The following TLN2 variants were observed in gnomAD, a reference collection of about 807,000 sequenced individuals.
The protein encoded by TLN2 is talin 2.
TLN2 carries 118 observed loss-of-function variants against 294.7 expected under a neutral mutation model. The observed-to-expected ratio is 0.40, with a 90% CI of 0.34 to 0.47. The LOEUF is 0.47. Ranked by LOEUF, TLN2 falls within the 20% of genes least tolerant of loss-of-function variation. The probability of loss-of-function intolerance (pLI) is 0.84; values close to 1 mark genes in which losing one functional copy is unlikely to be tolerated. For synonymous variants in TLN2, 1,431 were observed against 1,304.5 expected (o/e 1.10, Z -2.09); for missense variants, 3,083 against 3,282.2 (o/e 0.94, Z 1.48).
chr15:62,784,566 G>A (rs1235565514), intron 45 of TLN2: 1 of 152,280 alleles, frequency 6.6e-6, no homozygotes, highest in African/African-American at 2.4e-5. Flanking sequence ...TACTTCTAAT[G>A]GGGTGGTCCA....
chr15:62,434,222 C>A (rs1392423488), intron 1 of TLN2, among the ~76,000 whole-genome samples: 1 of 152,072 alleles, frequency 6.6e-6, no homozygotes, highest in Non-Finnish European at 1.5e-5. Flanking sequence ...TGGAAGTGGT[C>A]TATGTATATG....
chr15:62,433,728 ATCGAG>A (rs1458692887), intron 1 of TLN2, among the ~76,000 whole-genome samples: 1 of 152,126 alleles, frequency 6.6e-6, no homozygotes, highest in African/African-American at 2.4e-5. Flanking sequence ...GCTTGAATGA[ATCGAG>A]TCTCCTGTCC....
intron 52 of TLN2, among the ~76,000 whole-genome samples, chr15:62,818,862 T>G (rs118163315): frequency 0.1 from 15,575 of 151,462 alleles, 873 homozygotes; most frequent in South Asian, 0.17. Flanking sequence ...ATTTATTTAT[T>G]TATTTATTTT....
chr15:62,575,713 G>A (rs1462009861), intron 1 of TLN2, among the ~76,000 whole-genome samples: 2 of 152,174 alleles, frequency 1.3e-5, no homozygotes, highest in African/African-American at 4.8e-5. Flanking sequence ...CCACTGCCCT[G>A]CAGAGGTCAG....
intron 2 of TLN2, among the ~76,000 whole-genome samples, chr15:62,603,314 G>T (rs1003330653): frequency 2.0e-5 from 3 of 152,126 alleles, no homozygotes; most frequent in Non-Finnish European, 4.4e-5. Context: ...GTAAGCAAAT[G>T]TGTGCATACT....
At chr15:62,827,646 T>G (rs1372983910) in intron 54 of TLN2, 1 of 152,230 alleles carries the variant, frequency 6.6e-6, no homozygotes, top group Admixed American at 6.5e-5. Flanking sequence ...TGGGTTTTAC[T>G]TATAATGAAT....
intron 57 of TLN2, among the ~76,000 whole-genome samples, chr15:62,837,743 A>G (rs141714674): frequency 1.3e-5 from 2 of 152,288 alleles, no homozygotes; most frequent in Non-Finnish European, 2.9e-5. Context: ...TGACCTCATA[A>G]ACCCTTTGGC....
At chr15:62,763,481 G>T in intron 39 of TLN2, 82 bp from the exon 40 acceptor site, 1 of 1,503,416 alleles carries the variant, frequency 6.7e-7, no homozygotes, top group South Asian at 1.3e-5. Flanking sequence ...AGTGGACAGG[G>T]ATCCTGGCCC....
At chr15:62,503,435 C>T (rs1402424574) in intron 1 of TLN2, among the ~76,000 whole-genome samples, 4 of 152,168 alleles carry the variant, frequency 2.6e-5, no homozygotes, top group African/African-American at 9.7e-5. Context: ...GATTTCTCCG[C>T]TTAACCCATG....
chr15:62,834,601 G>A (rs1185293583), intron 55 of TLN2: 2 of 152,150 alleles, frequency 1.3e-5, no homozygotes, highest in African/African-American at 4.8e-5. Context: ...AAACCATTGT[G>A]TTGTAGGTTA....
In TLN2 at chr15:62,587,602, T is replaced by C. The variant is rs554146167; in HGVS notation, c.-237-2085T>C. The stretch of plus-strand genomic sequence containing the variant: ...AACATGTCTCATATCTGTGGGCCTT[T>C]AGGGGCATTTATCCTCCTCCTTTCA... On this transcript the variant is annotated intron_variant, in intron 1 of 58. Transcript: ENST00000636159. Among the ~76,000 whole-genome samples the C allele has an allele frequency of 2.6e-5, 4 of 152,330 alleles. No individual in the cohort carries two copies. In the South Asian group the frequency reaches 8.3e-4, roughly 32 times the overall value.
chr15:62,415,844 T>G (rs899605037), intron 1 of TLN2, among the ~76,000 whole-genome samples: 4 of 152,216 alleles, frequency 2.6e-5, no homozygotes, highest in African/African-American at 4.8e-5. Context: ...CTCGGAGTTG[T>G]GGGGGGTAGC....
intron 58 of TLN2, 36 bp from the exon 59 acceptor site, chr15:62,840,446 G>GTGT (rs748264100): frequency 1.7e-5 from 28 of 1,612,664 alleles, no homozygotes; most frequent in Non-Finnish European, 2.3e-5. Context: ...TTTCTACAAA[G>GTGT]TGTTAGGTCC....
At chr15:62,402,914 T>G (rs1036323579) in intron 1 of TLN2, among the ~76,000 whole-genome samples, 11 of 152,034 alleles carry the variant, frequency 7.2e-5, no homozygotes, top group African/African-American at 2.4e-4. Context: ...ATAGTCCCCA[T>G]CAGAAACATG....
chr15:62,488,579 T>C (rs1325390214), intron 1 of TLN2, among the ~76,000 whole-genome samples: 1 of 152,236 alleles, frequency 6.6e-6, no homozygotes, highest in Non-Finnish European at 1.5e-5. Context: ...TGAGTAATTA[T>C]TGAATGACTA....
At position 62,653,310 on chromosome 15, in the gene TLN2, T is replaced by A; in HGVS notation, c.513T>A (p.Asp171Glu). The A allele has an allele frequency of 6.2e-7, 1 of 1,609,996 alleles. No homozygotes were observed. The highest frequency in any genetic ancestry group is 8.5e-7 in the Non-Finnish European group (1 of 1,178,740). Residue 171 changes from aspartate (D) to glutamate (E), a missense_variant, in exon 7 of 59, where the codon GAT becomes GAA. By Grantham distance (45) the Asp-to-Glu change is conservative. Coordinates refer to ENST00000636159, the MANE Select transcript of TLN2 (RefSeq NM_015059.3). ...EKLKAKLHTD[D>E]DLNWLDHSRT... ...TGAAGGCCAAGCTGCACACAGATGA[T>A]GACCGTAAGTGTTTGCAGAGGAAGC...
chr15:62,735,955 G>T (rs117618575), intron 28 of TLN2, among the ~76,000 whole-genome samples: 1 of 152,134 alleles, frequency 6.6e-6, no homozygotes, highest in Non-Finnish European at 1.5e-5. Context: ...ACAGCATTAT[G>T]GTCAGAGAAA....
intron 1 of TLN2, among the ~76,000 whole-genome samples, chr15:62,439,866 A>G (rs2140303016): frequency 6.6e-6 from 1 of 152,306 alleles, no homozygotes; most frequent in South Asian, 2.1e-4. Flanking sequence ...AATTAGGGGC[A>G]AGAAGATGTT....
chr15:62,434,324 A>G (rs1440504148), intron 1 of TLN2, among the ~76,000 whole-genome samples: 1 of 152,226 alleles, frequency 6.6e-6, no homozygotes, highest in Non-Finnish European at 1.5e-5. Context: ...TTAACATTGT[A>G]AGTTATATCC....
Sources: gnomAD v4.1 joint callset for allele counts (sites outside exome capture counted in the v4.1 genomes callset) on GRCh38, gnomAD v4.1.1 for gene constraint, MANE v1.5 for transcripts, NCBI Gene and HGNC (gene_info 2026-07-23, HGNC 2026-07-21) for gene names.